Variants in LRP6 observed in about 807,000 individuals in gnomAD.
The protein encoded by LRP6 is LDL receptor related protein 6, also known as low-density lipoprotein receptor-related protein 6.
Under a neutral mutation model 184.1 loss-of-function variants are expected in LRP6, and 43 were observed. The ratio of observed to expected loss-of-function variants is 0.23; its 90% CI spans 0.18 to 0.30. LRP6 has a LOEUF of 0.30. Among genes scored for constraint, LRP6 ranks in the 10% least tolerant of loss-of-function variants. The pLI is 1.00. For missense variants in LRP6, 1,571 were observed against 2,005.3 expected (o/e 0.78, Z 4.14); for synonymous variants, 719 against 684.9 (o/e 1.05, Z -0.78).
chr12:12,239,386 G>A (rs1398473273), intron 2 of LRP6, among the ~76,000 whole-genome samples: 2 of 152,202 alleles, frequency 1.3e-5, no homozygotes, highest in Admixed American at 1.3e-4. Context: ...ATGGAGGAAG[G>A]AAAGGCACGG....
intron 9 of LRP6, among the ~76,000 whole-genome samples, chr12:12,163,915 C>T (rs1286467434): frequency 1.3e-5 from 2 of 152,252 alleles, no homozygotes; most frequent in East Asian, 1.9e-4. Flanking sequence ...GGGCGGATCA[C>T]GAGGTCAAGA....
At chr12:12,263,632 CAG>C (rs1188752373) in intron 1 of LRP6, among the ~76,000 whole-genome samples, 2 of 151,714 alleles carry the variant, frequency 1.3e-5, no homozygotes, top group African/African-American at 2.4e-5. Flanking sequence ...CACTTGAGCC[CAG>C]GAGTTTAAGA....
intron 1 of LRP6, among the ~76,000 whole-genome samples, chr12:12,255,145 GCACAT>G (rs1471599220): frequency 2.0e-5 from 3 of 152,102 alleles, no homozygotes; most frequent in African/African-American, 7.2e-5. Context: ...ACTGACCAGT[GCACAT>G]CACAATTGCC....
At chr12:12,211,507 A>C (rs889913508) in intron 2 of LRP6, among the ~76,000 whole-genome samples, 1 of 152,248 alleles carries the variant, frequency 6.6e-6, no homozygotes, top group East Asian at 1.9e-4. Flanking sequence ...ATGAGTTCAA[A>C]TACGGACGAA....
intron 7 of LRP6, among the ~76,000 whole-genome samples, chr12:12,176,212 G>A (rs1277338981): frequency 6.6e-6 from 1 of 152,198 alleles, no homozygotes; most frequent in Non-Finnish European, 1.5e-5. Flanking sequence ...AGGAGGGGGG[G>A]TGGTGGCAGA....
intron 4 of LRP6, among the ~76,000 whole-genome samples, chr12:12,186,227 T>C (rs975561949): frequency 2.0e-5 from 3 of 152,180 alleles, no homozygotes; most frequent in African/African-American, 7.2e-5. Flanking sequence ...AAAAAACTCA[T>C]TTGTGTATAA....
At chr12:12,142,266 T>C (rs1949945184) in intron 15 of LRP6, among the ~76,000 whole-genome samples, 1 of 152,098 alleles carries the variant, frequency 6.6e-6, no homozygotes, top group Non-Finnish European at 1.5e-5. Flanking sequence ...TTTTTAAAGA[T>C]TAGCTGGCGG....
chr12:12,145,344 A>G (rs1949989204), intron 15 of LRP6, among the ~76,000 whole-genome samples: 1 of 152,208 alleles, frequency 6.6e-6, no homozygotes, highest in South Asian at 2.1e-4. Flanking sequence ...AATGTGAAAA[A>G]AAGATTAAAA....
At chr12:12,143,428 A>G (rs1043770932) in intron 15 of LRP6, among the ~76,000 whole-genome samples, 5 of 152,224 alleles carry the variant, frequency 3.3e-5, no homozygotes, top group Admixed American at 2.6e-4. Flanking sequence ...TACAATGTAC[A>G]TGGAAATTGC....
At chr12:12,125,504 C>A in intron 20 of LRP6, 72 bp from the exon 21 acceptor site, 1 of 1,332,040 alleles carries the variant, frequency 7.5e-7, no homozygotes, top group African/African-American at 1.4e-5. Context: ...TTTCATTCAA[C>A]AGTAGGATTA....
intron 12 of LRP6, 87 bp downstream of exon 12, chr12:12,158,742 T>A (rs1862661623): frequency 1.5e-6 from 2 of 1,334,172 alleles, no homozygotes; most frequent in South Asian, 2.4e-5. Flanking sequence ...TCCACACTAT[T>A]TAACTTTAGA....
chr12:12,144,279 G>A (rs1370219680), intron 15 of LRP6, among the ~76,000 whole-genome samples: 1 of 152,196 alleles, frequency 6.6e-6, no homozygotes, highest in African/African-American at 2.4e-5. Flanking sequence ...GTGCAATCAT[G>A]ATCATGGCTC....
At chr12:12,130,189 CTTTT>C (rs71435892) in intron 19 of LRP6, among the ~76,000 whole-genome samples, 2 of 139,158 alleles carry the variant, frequency 1.4e-5, no homozygotes. Flanking sequence ...GAATTCTTTT[CTTTT>C]TTTTTTTTTT....
chr12:12,126,542 T>C (rs377194476), intron 20 of LRP6, 149 bp downstream of exon 20: 12 of 694,446 alleles, frequency 1.7e-5, no homozygotes, highest in East Asian at 5.4e-5. Context: ...AAGGTGCTAA[T>C]AGTAAAAAAG....
At chr12:12,232,586 C>A (rs1424693286) in intron 2 of LRP6, among the ~76,000 whole-genome samples, 883 of 115,038 alleles carry the variant, frequency 7.7e-3, no homozygotes, top group African/African-American at 0.01. Flanking sequence ...CCAGCAGGTG[C>A]AAAAAAAAAA....
chr12:12,174,172 C>A (rs953816678), intron 7 of LRP6, among the ~76,000 whole-genome samples: 3 of 151,844 alleles, frequency 2.0e-5, no homozygotes, highest in Non-Finnish European at 4.4e-5. Context: ...AGTGCAGTGG[C>A]CTGATCTCGG....
At chr12:12,235,849 G>C (rs1435926048) in intron 2 of LRP6, among the ~76,000 whole-genome samples, 1 of 152,178 alleles carries the variant, frequency 6.6e-6, no homozygotes. Flanking sequence ...TGGAGAAATA[G>C]TTGATTCAAG....
chr12:12,205,325 CAAACAAAAAAAAAAAAA>C (rs1182196108), intron 2 of LRP6, among the ~76,000 whole-genome samples: 11 of 26,244 alleles, frequency 4.2e-4, no homozygotes, highest in Middle Eastern at 0.024. Context: ...CTGTCTCAAA[CAAACAAAAAAAAAAAAA>C]AAAAAAAAAA....
At position 12,266,741 on chromosome 12, in the gene LRP6, C is replaced by T. The variant is rs758806136; in HGVS notation, c.-6G>A. The T allele has an allele frequency of 2.5e-6, 4 of 1,612,840 alleles. No individual in the cohort carries two copies. In the Admixed American group the frequency reaches 6.7e-5, roughly 27 times the overall value. On this transcript the variant is annotated 5_prime_UTR_variant, in exon 1 of 23. Coordinates refer to ENST00000261349, the MANE Select transcript of LRP6 (RefSeq NM_002336.3). ...CTCCTCAGGACGGCCCCCATCTTCCCTTCTCGCGTTCTCTTCTCTCACCGG... is the reference window on the plus strand; with the variant it reads ...CTCCTCAGGACGGCCCCCATCTTCCTTTCTCGCGTTCTCTTCTCTCACCGG...
Sources: allele counts gnomAD v4.1 joint callset (sites outside exome capture counted in the v4.1 genomes callset), GRCh38; gene constraint gnomAD v4.1.1; transcripts MANE v1.5; gene names NCBI Gene and HGNC (gene_info 2026-07-23, HGNC 2026-07-21).